The following FOXB2 variants were observed in gnomAD, a reference collection of about 807,000 sequenced individuals.
The protein encoded by FOXB2 is forkhead box B2.
FOXB2 carries 1 observed loss-of-function variant against 0.9 expected under a neutral mutation model. The observed-to-expected ratio is 1.09, with a 90% confidence interval of 0.39 to 5.18. The LOEUF (loss-of-function observed/expected upper bound fraction) is 5.18. Among genes scored for constraint, FOXB2 ranks in the 30% most tolerant of loss-of-function variants. The pLI, the probability that FOXB2 is intolerant of heterozygous loss-of-function variation, is 0.16. For synonymous variants in FOXB2, 322 were observed against 293.5 expected, an observed-to-expected ratio of 1.10 and a Z score of -0.99; for missense variants, 670 against 626.6, an observed-to-expected ratio of 1.07 and a Z score of -0.74.
In FOXB2 at chr9:77,020,289, C is replaced by T; in HGVS notation, c.635C>T (p.Ser212Phe). ...PPQQSQPQQP[S>F]HPGKMQEAAA... is the part of the protein sequence containing the mutation. ...CAGCAGTCGCAGCCTCAGCAGCCGT[C>T]TCACCCCGGCAAGATGCAGGAGGCG... Residue 212 changes from serine (S) to phenylalanine (F), a missense_variant, in exon 1 of 1, where the codon TCT (serine) becomes TTT (phenylalanine). Physicochemically the swap from Ser to Phe is radical, Grantham distance 155. Coordinates refer to ENST00000376708, the MANE Select transcript of FOXB2 (RefSeq NM_001013735.1). The surrounding 1 kb of genome is among the most constrained non-coding windows in gnomAD (Gnocchi z 4.9). 6 of 1,434,966 alleles carry T rather than the reference C, an allele frequency of 4.2e-6. No individual in the cohort carries two copies. Among genetic ancestry groups the T allele is most frequent in the Non-Finnish European group, 4.8e-6 (5 of 1,046,322 alleles). The allele number at this position is 1,434,966 out of a possible 1,614,324, so 88.9% of individuals were successfully genotyped here. A position where few individuals can be genotyped will look rare whatever the true frequency, so the allele number is the denominator to read the frequency against.
rs553971345 is a variant in FOXB2 at position 77,020,044 on chromosome 9, C to T, written c.390C>T (p.Ala130=). The change falls in exon 1 of 1, where the codon GCC becomes GCT. Residue 130 remains alanine, a synonymous_variant. Transcript: ENST00000376708. This position sits in a 1 kb window ranked among gnomAD's most constrained non-coding sequence, Gnocchi z 4.9. ...HAGSTKSAPG[A]GPGGHLHPHH... is the part of the protein sequence containing the mutation. ...GAAGCACCAAGAGCGCGCCGGGCGC[C>T]GGTCCGGGAGGGCACCTTCACCCCC... The T allele has an allele frequency of 5.6e-6, 9 of 1,605,838 alleles. No individual in the cohort carries two copies. Among genetic ancestry groups the T allele is most frequent in the African/African-American group, 2.7e-5 (2 of 74,908 alleles).
chr9:77,020,170 G>C lies in FOXB2; in HGVS notation c.516G>C (p.Pro172=). The stretch of plus-strand genomic sequence containing the variant: ...AGCCGCCGCCGCCGCCGCCCCCGCC[G>C]CCGCCGCACATGGTACACTATTTCC... The part of the protein sequence containing the change: ...PPQPPPPPPP[P]PPHMVHYFHQ... The change falls in exon 1 of 1, where the codon CCG becomes CCC. Residue 172 remains proline, a synonymous_variant. Transcript: ENST00000376708. The surrounding 1 kb of genome is among the most constrained non-coding windows in gnomAD (Gnocchi z 4.9). 8.1e-7 allele frequency: 1 copy of C among 1,235,926 alleles called. No individual in the cohort carries two copies. The highest frequency in any genetic ancestry group is 1.2e-6 in the Non-Finnish European group (1 of 854,994). 76.6% of individuals were successfully genotyped at this position (1,235,926 alleles called of 1,614,324 possible).
rs778413023 is a variant in FOXB2, at chr9:77,019,991, C to A, written c.337C>A (p.Arg113Ser). 30 of 1,611,838 alleles carry A rather than the reference C, an allele frequency of 1.9e-5. No homozygotes were observed. In the South Asian group the frequency reaches 3.2e-4, roughly 17 times the overall value. Residue 113 changes from arginine to serine, a missense_variant, in exon 1 of 1, where the codon CGC (arginine) becomes AGC (serine). Coordinates refer to ENST00000376708, the MANE Select transcript of FOXB2 (RefSeq NM_001013735.1). The surrounding 1 kb of genome is among the most constrained non-coding windows in gnomAD (Gnocchi z 4.4). ...GCGTCGCAAGCGCTTCAAGGTGCTGCGCGCCGACCATACTCACTTGCACGC... is the reference window on the plus strand; with the variant it reads ...GCGTCGCAAGCGCTTCAAGGTGCTGAGCGCCGACCATACTCACTTGCACGC... ...LRRRKRFKVL[R>S]ADHTHLHAGS...
In FOXB2 at chr9:77,020,173, G is replaced by A. The variant is rs1266449923; in HGVS notation, c.519G>A (p.Pro173=). The A allele has an allele frequency of 8.2e-7, 1 of 1,216,172 alleles. No individual in the cohort carries two copies. Among genetic ancestry groups the A allele is most frequent in the Non-Finnish European group, 1.2e-6 (1 of 835,952 alleles). The allele number at this position is 1,216,172 out of a possible 1,614,324, so 75.3% of individuals were successfully genotyped here. A position where few individuals can be genotyped will look rare whatever the true frequency, so the allele number is the denominator to read the frequency against. ...PQPPPPPPPP[P]PHMVHYFHQQ... is the part of the protein sequence containing the mutation. ...CGCCGCCGCCGCCGCCCCCGCCGCC[G>A]CCGCACATGGTACACTATTTCCATC... Residue 173 remains proline, a synonymous_variant, in exon 1 of 1, where the codon CCG becomes CCA. Coordinates refer to ENST00000376708, the MANE Select transcript of FOXB2 (RefSeq NM_001013735.1). The surrounding 1 kb of genome is among the most constrained non-coding windows in gnomAD (Gnocchi z 4.9).
At position 77,020,283 on chromosome 9, in the gene FOXB2, A is replaced by AG. The variant is rs775452341; in HGVS notation, c.630dup (p.Pro211AlafsTer63). ...CCGCCCCAGCAGTCGCAGCCTCAGC[A>AG]GCCGTCTCACCCCGGCAAGATGCAG... is the stretch of plus-strand genomic sequence containing the variant. On this transcript the variant is annotated frameshift_variant, in exon 1 of 1. Transcript: ENST00000376708. LOFTEE classifies it low-confidence loss of function (END_TRUNC). This position sits in a 1 kb window ranked among gnomAD's most constrained non-coding sequence, Gnocchi z 4.9. 1 of 1,405,180 alleles carries AG rather than the reference A, an allele frequency of 7.1e-7. No homozygotes were observed. The highest frequency in any genetic ancestry group is 1.2e-5 in the South Asian group (1 of 86,072). 87.0% of individuals were successfully genotyped at this position (1,405,180 alleles called of 1,614,324 possible).
Position 77,020,934 on chromosome 9 carries a change from C to T in FOXB2, c.1280C>T (p.Ser427Leu). Reference sequence around the variant, plus strand: ...GAAAGCAAGGGCGGCTCCTTGCACTCGGTGCTAGTGCACTCCTAGGGGACC... The same window carrying T: ...GAAAGCAAGGGCGGCTCCTTGCACTTGGTGCTAGTGCACTCCTAGGGGACC... ...SAESKGGSLH[S>L]VLVHS The change falls in exon 1 of 1, where the codon TCG becomes TTG. Residue 427 changes from serine (S) to leucine (L), a missense_variant. By Grantham distance (145) the Ser-to-Leu change is moderately radical. Transcript: ENST00000376708. The surrounding 1 kb of genome is among the most constrained non-coding windows in gnomAD (Gnocchi z 4.9). The T allele has an allele frequency of 1.3e-6, 2 of 1,576,960 alleles. No individual in the cohort carries two copies. The highest frequency in any genetic ancestry group is 3.5e-5 in the Admixed American group (2 of 57,362).
rs974507708 is a variant in FOXB2 at position 77,020,021 on chromosome 9, A to G, written c.367A>G (p.Ser123Gly). ...RADHTHLHAG[S>G]TKSAPGAGPG... Reference sequence around the variant, plus strand: ...CGACCATACTCACTTGCACGCGGGAAGCACCAAGAGCGCGCCGGGCGCCGG... The same window carrying G: ...CGACCATACTCACTTGCACGCGGGAGGCACCAAGAGCGCGCCGGGCGCCGG... Residue 123 changes from serine to glycine, a missense_variant, in exon 1 of 1, where the codon AGC becomes GGC. Transcript: ENST00000376708. This position sits in a 1 kb window ranked among gnomAD's most constrained non-coding sequence, Gnocchi z 4.9. 6.2e-7 allele frequency: 1 copy of G among 1,609,916 alleles called. No individual in the cohort carries two copies. Among genetic ancestry groups the G allele is most frequent in the African/African-American group, 1.3e-5 (1 of 74,800 alleles).
Position 77,020,179 on chromosome 9 carries a change from C to A in FOXB2, c.525C>A (p.His175Gln). ...CGCCGCCGCCCCCGCCGCCGCCGCA[C>A]ATGGTACACTATTTCCATCAGCAAC... ...PPPPPPPPPP[H>Q]MVHYFHQQPP... Residue 175 changes from histidine (H) to glutamine (Q), a missense_variant, in exon 1 of 1, where the codon CAC (histidine) becomes CAA (glutamine). His to Gln is a conservative substitution (Grantham distance 24, BLOSUM62 0). Coordinates refer to ENST00000376708, the MANE Select transcript of FOXB2 (RefSeq NM_001013735.1). The surrounding 1 kb of genome is among the most constrained non-coding windows in gnomAD (Gnocchi z 4.9). The A allele has an allele frequency of 8.4e-7, 1 of 1,185,398 alleles. No homozygotes were observed. Among genetic ancestry groups the A allele is most frequent in the Non-Finnish European group, 1.2e-6 (1 of 804,838 alleles). The allele number at this position is 1,185,398 out of a possible 1,614,324, so 73.4% of individuals were successfully genotyped here.
At position 77,019,735 on chromosome 9, in the gene FOXB2, G is replaced by C; in HGVS notation, c.81G>C (p.Gln27His). 6.2e-7 allele frequency: 1 copy of C among 1,614,008 alleles called. No homozygotes were observed. The highest frequency in any genetic ancestry group is 1.3e-5 in the African/African-American group (1 of 75,030). Residue 27 changes from glutamine to histidine, a missense_variant, in exon 1 of 1, where the codon CAG becomes CAC. Physicochemically the swap from Gln to His is conservative, Grantham distance 24 (BLOSUM62 0). Coordinates refer to ENST00000376708, the MANE Select transcript of FOXB2 (RefSeq NM_001013735.1). The surrounding 1 kb of genome is among the most constrained non-coding windows in gnomAD (Gnocchi z 4.4). ...TCTCGCTGACCGCCATGGCAATCCA[G>C]CACTCGGCCGAGAAGATGCTGCCGC... Reference protein sequence around the residue: ...SYISLTAMAIQHSAEKMLPLS... With the variant: ...SYISLTAMAIHHSAEKMLPLS...
In FOXB2 at chr9:77,020,346, CG is replaced by C. The variant is rs1219404251; in HGVS notation, c.694del (p.Ala232GlnfsTer106). ...AAVAAAAAAAAAAAVGSVGRL... is the reference protein window; with the variant it reads ...AAVAAAAAAAXAAAVGSVGRL... ...GTGGCGGCGGCGGCGGCGGCGGCCG[CG>C]GCAGCCGCGGTGGGCAGCGTGGGAC... On this transcript the variant is annotated frameshift_variant, in exon 1 of 1. Coordinates refer to ENST00000376708, the MANE Select transcript of FOXB2 (RefSeq NM_001013735.1). LOFTEE classifies it low-confidence loss of function (END_TRUNC). This position sits in a 1 kb window ranked among gnomAD's most constrained non-coding sequence, Gnocchi z 4.9. 2.4e-6 allele frequency: 3 copies of C among 1,241,530 alleles called. No individual in the cohort carries two copies. Among genetic ancestry groups the C allele is most frequent in the Non-Finnish European group, 1.0e-6 (1 of 997,860 alleles). 76.9% of individuals were successfully genotyped at this position (1,241,530 alleles called of 1,614,324 possible).
Position 77,020,344 on chromosome 9 carries a change from C to A in FOXB2, c.690C>A (p.Ala230=). The A allele has an allele frequency of 4.9e-6, 6 of 1,235,902 alleles. No individual in the cohort carries two copies. Among genetic ancestry groups the A allele is most frequent in the African/African-American group, 1.6e-5 (1 of 63,108 alleles). The allele number at this position is 1,235,902 out of a possible 1,614,324, so 76.6% of individuals were successfully genotyped here. ...CCGTGGCGGCGGCGGCGGCGGCGGC[C>A]GCGGCAGCCGCGGTGGGCAGCGTGG... The part of the protein sequence containing the change: ...AAAVAAAAAA[A]AAAAVGSVGR... Residue 230 remains alanine (A), a synonymous_variant, in exon 1 of 1, where the codon GCC becomes GCA. Coordinates refer to ENST00000376708, the MANE Select transcript of FOXB2 (RefSeq NM_001013735.1). This position sits in a 1 kb window ranked among gnomAD's most constrained non-coding sequence, Gnocchi z 4.9.
At position 77,020,858 on chromosome 9, in the gene FOXB2, G is replaced by GCGGCCT; in HGVS notation, c.1207_1212dup (p.Ala403_Ser404dup). ...GCCATCCACCGTGTGCTCCGCGGCCGCGGCCTCGCCCGTTGCCTCTCTGCT... is the reference window on the plus strand; with the variant it reads ...GCCATCCACCGTGTGCTCCGCGGCCGCGGCCTCGGCCTCGCCCGTTGCCTCTCTGCT... On this transcript the variant is annotated inframe_insertion, in exon 1 of 1. Coordinates refer to ENST00000376708, the MANE Select transcript of FOXB2 (RefSeq NM_001013735.1). The surrounding 1 kb of genome is among the most constrained non-coding windows in gnomAD (Gnocchi z 4.9). The GCGGCCT allele has an allele frequency of 6.5e-7, 1 of 1,548,820 alleles. No individual in the cohort carries two copies. Among genetic ancestry groups the GCGGCCT allele is most frequent in the Non-Finnish European group, 8.7e-7 (1 of 1,153,756 alleles).
In FOXB2 at chr9:77,020,399, C is replaced by T; in HGVS notation, c.745C>T (p.Leu249=). 6.4e-7 allele frequency: 1 copy of T among 1,567,390 alleles called. No individual in the cohort carries two copies. Among genetic ancestry groups the T allele is most frequent in the Non-Finnish European group, 8.6e-7 (1 of 1,161,022 alleles). ...GRLSQFPPYG[L]GSAAAAAAAA... Reference sequence around the variant, plus strand: ...CCTGTCTCAGTTCCCACCCTACGGGCTGGGCTCGGCCGCCGCCGCTGCCGC... The same window carrying T: ...CCTGTCTCAGTTCCCACCCTACGGGTTGGGCTCGGCCGCCGCCGCTGCCGC... Residue 249 remains leucine (L), a synonymous_variant, in exon 1 of 1, where the codon CTG becomes TTG. Coordinates refer to ENST00000376708, the MANE Select transcript of FOXB2 (RefSeq NM_001013735.1). This position sits in a 1 kb window ranked among gnomAD's most constrained non-coding sequence, Gnocchi z 4.9.
At position 77,020,439 on chromosome 9, in the gene FOXB2, C is replaced by G. The variant is rs780869722; in HGVS notation, c.785C>G (p.Ser262Cys). The change falls in exon 1 of 1, where the codon TCC becomes TGC. Residue 262 changes from serine to cysteine, a missense_variant. Physicochemically the swap from Ser to Cys is moderately radical, Grantham distance 112. Coordinates refer to ENST00000376708, the MANE Select transcript of FOXB2 (RefSeq NM_001013735.1). The surrounding 1 kb of genome is among the most constrained non-coding windows in gnomAD (Gnocchi z 4.9). The stretch of plus-strand genomic sequence containing the variant: ...GCCGCTGCCGCCGCGGCCGCGGCGT[C>G]CACGTCAGGCTTCAAGCACCCCTTT... ...AAAAAAAAAA[S>C]TSGFKHPFAI... The G allele has an allele frequency of 6.3e-7, 1 of 1,585,530 alleles. No homozygotes were observed. Among genetic ancestry groups the G allele is most frequent in the East Asian group, 2.4e-5 (1 of 41,498 alleles).
rs1007455003 is a variant in FOXB2 at position 77,020,104 on chromosome 9, C to T, written c.450C>T (p.His150=). Residue 150 remains histidine, a synonymous_variant, in exon 1 of 1, where the codon CAC becomes CAT. Transcript: ENST00000376708. This position sits in a 1 kb window ranked among gnomAD's most constrained non-coding sequence, Gnocchi z 4.9. ...ACCACCCCCACCACCACCATCATCACCACGCTGCCGCACACCACCACCATC... is the reference window on the plus strand; with the variant it reads ...ACCACCCCCACCACCACCATCATCATCACGCTGCCGCACACCACCACCATC... ...HHHHPHHHHH[H]HAAAHHHHHH... is the part of the protein sequence containing the mutation. 2 of 1,501,814 alleles carry T rather than the reference C, an allele frequency of 1.3e-6. No individual in the cohort carries two copies. The highest frequency in any genetic ancestry group is 1.4e-5 in the African/African-American group (1 of 71,980). The allele number at this position is 1,501,814 out of a possible 1,614,324, so 93.0% of individuals were successfully genotyped here.
rs748933432 is a variant in FOXB2 at position 77,020,537 on chromosome 9, A to T, written c.883A>T (p.Met295Leu). 7 of 1,610,850 alleles carry T rather than the reference A, an allele frequency of 4.3e-6. No individual in the cohort carries two copies. The South Asian group carries it at 7.7e-5, about 18-fold the overall frequency. ...TGGAGGGCTGCCCTTGGCGTCCGTC[A>T]TGCACCACCTGGGCTACCCCGTGCC... ...QAGGLPLASV[M>L]HHLGYPVPGQ... The change falls in exon 1 of 1, where the codon ATG (methionine) becomes TTG (leucine). Residue 295 changes from methionine to leucine, a missense_variant. By Grantham distance (15) the Met-to-Leu change is conservative. Transcript: ENST00000376708. The surrounding 1 kb of genome is among the most constrained non-coding windows in gnomAD (Gnocchi z 4.9).
Position 77,020,325 on chromosome 9 carries a change from C to A in FOXB2, c.671C>A (p.Ala224Glu). Residue 224 changes from alanine to glutamate, a missense_variant, in exon 1 of 1, where the codon GCG becomes GAG. Physicochemically the swap from Ala to Glu is moderately radical, Grantham distance 107 (BLOSUM62 -1). Coordinates refer to ENST00000376708, the MANE Select transcript of FOXB2 (RefSeq NM_001013735.1). The surrounding 1 kb of genome is among the most constrained non-coding windows in gnomAD (Gnocchi z 4.9). ...AAGATGCAGGAGGCGGCGGCCGTGG[C>A]GGCGGCGGCGGCGGCGGCCGCGGCA... ...PGKMQEAAAV[A>E]AAAAAAAAAA... The A allele has an allele frequency of 2.0e-6, 2 of 1,014,582 alleles. No individual in the cohort carries two copies. Among genetic ancestry groups the A allele is most frequent in the Non-Finnish European group, 1.2e-6 (1 of 821,990 alleles). 62.8% of individuals were successfully genotyped at this position (1,014,582 alleles called of 1,614,324 possible).
Position 77,020,295 on chromosome 9 carries a change from C to T in FOXB2, c.641C>T (p.Pro214Leu). 1 of 1,436,348 alleles carries T rather than the reference C, an allele frequency of 7.0e-7. No individual in the cohort carries two copies. Among genetic ancestry groups the T allele is most frequent in the East Asian group, 2.6e-5 (1 of 38,682 alleles). The allele number at this position is 1,436,348 out of a possible 1,614,324, so 89.0% of individuals were successfully genotyped here. A position where few individuals can be genotyped will look rare whatever the true frequency, so the allele number is the denominator to read the frequency against. The change falls in exon 1 of 1, where the codon CCC (proline) becomes CTC (leucine). Residue 214 changes from proline (P) to leucine (L), a missense_variant. Coordinates refer to ENST00000376708, the MANE Select transcript of FOXB2 (RefSeq NM_001013735.1). This position sits in a 1 kb window ranked among gnomAD's most constrained non-coding sequence, Gnocchi z 4.9. The stretch of plus-strand genomic sequence containing the variant: ...TCGCAGCCTCAGCAGCCGTCTCACC[C>T]CGGCAAGATGCAGGAGGCGGCGGCC... ...QQSQPQQPSHPGKMQEAAAVA... is the reference protein window; with the variant it reads ...QQSQPQQPSHLGKMQEAAAVA...
In FOXB2 at chr9:77,020,378, T is replaced by G; in HGVS notation, c.724T>G (p.Ser242Ala). ...CGCGGTGGGCAGCGTGGGACGCCTG[T>G]CTCAGTTCCCACCCTACGGGCTGGG... ...AAAVGSVGRL[S>A]QFPPYGLGSA... is the part of the protein sequence containing the mutation. The change falls in exon 1 of 1, where the codon TCT (serine) becomes GCT (alanine). Residue 242 changes from serine to alanine, a missense_variant. Ser to Ala is a moderately conservative substitution (Grantham distance 99). Coordinates refer to ENST00000376708, the MANE Select transcript of FOXB2 (RefSeq NM_001013735.1). This position sits in a 1 kb window ranked among gnomAD's most constrained non-coding sequence, Gnocchi z 4.9. 6.8e-7 allele frequency: 1 copy of G among 1,466,702 alleles called. No homozygotes were observed. The highest frequency in any genetic ancestry group is 1.3e-5 in the South Asian group (1 of 78,052). The allele number at this position is 1,466,702 out of a possible 1,614,324, so 90.9% of individuals were successfully genotyped here.
Sources: allele counts gnomAD v4.1 joint callset, GRCh38; gene constraint gnomAD v4.1.1; non-coding constraint Gnocchi (gnomAD v3.1); transcripts MANE v1.5; gene names NCBI Gene and HGNC (gene_info 2026-07-23, HGNC 2026-07-21).